DNAI4: variants seen among roughly 807,000 people sequenced by gnomAD.
The protein encoded by DNAI4 is WD repeat domain 78.
In DNAI4, 85 loss-of-function variants were observed where a neutral mutation model predicts 105.8. The observed-to-expected ratio is 0.80, with a 90% CI of 0.67 to 0.96. The LOEUF is 0.96. DNAI4 is among the 40% of genes least tolerant of loss of function. The probability of loss-of-function intolerance (pLI) is 0.00; values close to 1 mark genes in which losing one functional copy is unlikely to be tolerated. For synonymous variants in DNAI4, 352 were observed against 331.5 expected, an observed-to-expected ratio of 1.06 and a Z score of -0.67; for missense variants, 1,014 against 1,005.6, an observed-to-expected ratio of 1.01 and a Z score of -0.11.
At chr1:66,822,718 G>C (rs955662387) in intron 15 of DNAI4, among the ~76,000 whole-genome samples, 1 of 151,878 alleles carries the variant, frequency 6.6e-6, no homozygotes, top group Non-Finnish European at 1.5e-5. Flanking sequence ...ATTTCAACCA[G>C]GTAAATTAAA....
At chr1:66,885,579 TG>T (rs2100733151) in intron 4 of DNAI4, among the ~76,000 whole-genome samples, 1 of 152,254 alleles carries the variant, frequency 6.6e-6, no homozygotes, top group South Asian at 2.1e-4. Flanking sequence ...TCTAGCCAGG[TG>T]TGATGACTCA....
chr1:66,865,139 G>C (rs1206731205), intron 6 of DNAI4, among the ~76,000 whole-genome samples: 1 of 151,860 alleles, frequency 6.6e-6, no homozygotes, highest in Non-Finnish European at 1.5e-5. Flanking sequence ...AGATTTTATG[G>C]ATGCCAGCCG....
intron 1 of DNAI4, among the ~76,000 whole-genome samples, chr1:66,914,828 A>C (rs1649943338): frequency 6.6e-6 from 1 of 152,204 alleles, no homozygotes; most frequent in South Asian, 2.1e-4. Context: ...TATATAAAAG[A>C]GCTCTAATTA....
rs522664 is a variant in DNAI4 at position 66,862,055 on chromosome 1, T to C, written c.1096+92A>G. 1,891 of 1,249,840 alleles carry C rather than the reference T, an allele frequency of 1.5e-3. 21 individuals carry two copies. The African/African-American group carries it at 0.027, about 18-fold the overall frequency. 77.4% of individuals were successfully genotyped at this position (1,249,840 alleles called of 1,614,324 possible). The stretch of plus-strand genomic sequence containing the variant: ...AAAAGTTGTACTTTTCATGGTCCAT[T>C]AGAAAGAAAACATTGTTAACTGCCA... On this transcript the variant is annotated intron_variant, in intron 7 of 16. Coordinates refer to ENST00000371026, the MANE Select transcript of DNAI4 (RefSeq NM_024763.5).
In DNAI4 at chr1:66,876,216, A is replaced by G. The variant is rs1315111118; in HGVS notation, c.644-1279T>C. ...TCCACAAGAACAAAATTTGAGGTAC[A>G]TGTAGTCCAAACTTTTTGTCAATGA... is the stretch of plus-strand genomic sequence containing the variant. On this transcript the variant is annotated intron_variant, in intron 4 of 16. Transcript: ENST00000371026. 2.6e-5 allele frequency among the ~76,000 whole-genome samples: 4 copies of G among 152,268 alleles called. No individual in the cohort carries two copies. In the East Asian group the frequency reaches 5.8e-4, roughly 22 times the overall value.
chr1:66,905,308 C>A lies in DNAI4; in HGVS notation c.238G>T (p.Gly80Ter). 6.5e-7 allele frequency: 1 copy of A among 1,542,310 alleles called. No homozygotes were observed. Among genetic ancestry groups the A allele is most frequent in the Non-Finnish European group, 8.8e-7 (1 of 1,133,828 alleles). Residue 80 changes from glycine (G) to a stop codon, truncating the protein, a stop_gained, in exon 2 of 17, where the codon GGA becomes TGA. Transcript: ENST00000371026. LOFTEE classifies it high-confidence loss of function. ...FATMKATSVK[G>*]YTGANQSRMA... ...CTGCTTTGATTTGCACCAGTATATC[C>A]TTTCACTGAAGTTGCTTTCATTGTA...
At chr1:66,878,321 T>C (rs1041666432) in intron 4 of DNAI4, among the ~76,000 whole-genome samples, 1 of 152,204 alleles carries the variant, frequency 6.6e-6, no homozygotes, top group African/African-American at 2.4e-5. Context: ...TCCTCTCAAA[T>C]ACCCCTTTTT....
intron 9 of DNAI4, among the ~76,000 whole-genome samples, chr1:66,838,718 A>G (rs1283207107): frequency 6.6e-6 from 1 of 152,214 alleles, no homozygotes; most frequent in Non-Finnish European, 1.5e-5. Context: ...TGTCTTAAAA[A>G]CAGTCTTCAC....
chr1:66,907,449 A>T (rs1569865232), intron 1 of DNAI4, among the ~76,000 whole-genome samples: 1 of 151,998 alleles, frequency 6.6e-6, no homozygotes, highest in African/African-American at 2.4e-5. Context: ...TTGCCCTACT[A>T]TCCTTACAAA....
At chr1:66,916,661 T>G (rs1650095303) in intron 1 of DNAI4, among the ~76,000 whole-genome samples, 1 of 152,164 alleles carries the variant, frequency 6.6e-6, no homozygotes, top group African/African-American at 2.4e-5. Flanking sequence ...GCAAGACCAG[T>G]ATATGGGCCC....
At chr1:66,872,386 G>A (rs1360529726) in intron 5 of DNAI4, among the ~76,000 whole-genome samples, 1 of 151,708 alleles carries the variant, frequency 6.6e-6, no homozygotes, top group Non-Finnish European at 1.5e-5. Context: ...AAGCCACCAC[G>A]CCCAGCTAAT....
At chr1:66,818,693 C>T (rs577894484) in intron 16 of DNAI4, among the ~76,000 whole-genome samples, 10 of 152,110 alleles carry the variant, frequency 6.6e-5, no homozygotes, top group Admixed American at 2.6e-4. Context: ...CCGAGGTGGG[C>T]GGATCACCTG....
At chr1:66,895,355 C>A (rs913828956) in intron 2 of DNAI4, among the ~76,000 whole-genome samples, 1 of 152,072 alleles carries the variant, frequency 6.6e-6, no homozygotes, top group African/African-American at 2.4e-5. Flanking sequence ...GTAGCCCACG[C>A]CACATGGGAG....
At chr1:66,851,935 A>C (rs1646405619) in intron 7 of DNAI4, among the ~76,000 whole-genome samples, 1 of 151,946 alleles carries the variant, frequency 6.6e-6, no homozygotes, top group Non-Finnish European at 1.5e-5. Flanking sequence ...AAGAGAAGTA[A>C]ATGAAGTTAG....
At chr1:66,826,251 T>C (rs2100364434) in intron 15 of DNAI4, among the ~76,000 whole-genome samples, 1 of 151,084 alleles carries the variant, frequency 6.6e-6, no homozygotes, top group East Asian at 1.9e-4. Context: ...TATTATATCC[T>C]ATATCGTCCT....
chr1:66,846,633 T>C (rs1024973777), intron 8 of DNAI4, among the ~76,000 whole-genome samples: 2 of 152,218 alleles, frequency 1.3e-5, no homozygotes, highest in South Asian at 4.1e-4. Flanking sequence ...TTTTGAATGA[T>C]ACACTTTGAG....
intron 7 of DNAI4, among the ~76,000 whole-genome samples, chr1:66,855,089 C>G (rs1646472603): frequency 6.6e-6 from 1 of 152,210 alleles, no homozygotes; most frequent in Non-Finnish European, 1.5e-5. Context: ...CCAACTGCCT[C>G]CTTAACAAAG....
intron 1 of DNAI4, among the ~76,000 whole-genome samples, chr1:66,915,542 T>C (rs1434310736): frequency 6.6e-6 from 1 of 152,200 alleles, no homozygotes; most frequent in Non-Finnish European, 1.5e-5. Context: ...GTAGACAAAC[T>C]TGTCATAATT....
chr1:66,879,465 G>A lies in DNAI4; in HGVS notation c.644-4528C>T, dbSNP rs553760722. 1.1e-3 allele frequency among the ~76,000 whole-genome samples: 160 copies of A among 152,266 alleles called. 1 individual carries two copies. The highest frequency in any genetic ancestry group is 3.6e-3 in the African/African-American group (150 of 41,566). On this transcript the variant is annotated intron_variant, in intron 4 of 16. Transcript: ENST00000371026. ...ACATCTTGGTTGCTTCTAGTCTTCT[G>A]CATTGATGATTCAGCTGCTAGAAAC...
Sources: allele counts gnomAD v4.1 joint callset (sites outside exome capture counted in the v4.1 genomes callset), GRCh38; gene constraint gnomAD v4.1.1; transcripts MANE v1.5; gene names NCBI Gene and HGNC (gene_info 2026-07-23, HGNC 2026-07-21).